The following DLC1 variants were observed in gnomAD, a reference collection of about 807,000 sequenced individuals.
The protein encoded by DLC1 is DLC1 Rho GTPase activating protein.
A neutral mutation model predicts 140.3 loss-of-function variants in DLC1; 54 were observed. The observed-to-expected ratio is 0.38, with a 90% CI of 0.31 to 0.48. The LOEUF (loss-of-function observed/expected upper bound fraction) is 0.48. Among genes scored for constraint, DLC1 ranks in the 20% least tolerant of loss-of-function variants. DLC1 has a pLI of 0.96. For missense variants in DLC1, 2,536 were observed against 1,907.0 expected (o/e 1.33, Z -6.14); for synonymous variants, 986 against 728.1 (o/e 1.35, Z -5.70).
At chr8:13,136,451 T>C (rs1292393511) in intron 5 of DLC1, among the ~76,000 whole-genome samples, 3 of 152,216 alleles carry the variant, frequency 2.0e-5, no homozygotes, top group African/African-American at 7.2e-5. Context: ...TTCCGGTTCC[T>C]GTGTTAATAT....
At chr8:13,400,863 C>G (rs994925742) in intron 3 of DLC1, among the ~76,000 whole-genome samples, 1 of 152,028 alleles carries the variant, frequency 6.6e-6, no homozygotes, top group Non-Finnish European at 1.5e-5. Flanking sequence ...TAGAATCTGT[C>G]TTCCAAATTT....
chr8:13,323,063 C>G (rs1833189305), intron 4 of DLC1, among the ~76,000 whole-genome samples: 1 of 152,146 alleles, frequency 6.6e-6, no homozygotes, highest in Non-Finnish European at 1.5e-5. Flanking sequence ...ACAGACACTC[C>G]AGGCCTAGTC....
At chr8:13,420,531 T>C (rs1184932615) in intron 2 of DLC1, among the ~76,000 whole-genome samples, 1 of 152,050 alleles carries the variant, frequency 6.6e-6, no homozygotes, top group African/African-American at 2.4e-5. Context: ...ATGCATTAGG[T>C]ATTTGTCCTA....
At chr8:13,345,333 C>T (rs73203949) in intron 4 of DLC1, among the ~76,000 whole-genome samples, 8,202 of 150,902 alleles carry the variant, frequency 0.054, 284 homozygotes, top group South Asian at 0.14. Context: ...CGATTCAATT[C>T]CCCTATAGTG....
At chr8:13,343,378 T>C (rs1834165586) in intron 4 of DLC1, among the ~76,000 whole-genome samples, 2 of 152,190 alleles carry the variant, frequency 1.3e-5, no homozygotes, top group South Asian at 4.1e-4. Flanking sequence ...TTGTGCAGTG[T>C]GGTGTCCTCA....
intron 5 of DLC1, among the ~76,000 whole-genome samples, chr8:13,234,696 A>G (rs1829203127): frequency 6.6e-6 from 1 of 151,928 alleles, no homozygotes; most frequent in African/African-American, 2.4e-5. Context: ...GTGCATATAA[A>G]TTACATTTGT....
At chr8:13,447,052 G>C (rs936840860) in intron 2 of DLC1, among the ~76,000 whole-genome samples, 1 of 152,124 alleles carries the variant, frequency 6.6e-6, no homozygotes, top group African/African-American at 2.4e-5. Context: ...TATGTTTCTT[G>C]TGATTTTTAA....
intron 5 of DLC1, among the ~76,000 whole-genome samples, chr8:13,157,163 A>C (rs772049463): frequency 1.3e-5 from 2 of 152,184 alleles, no homozygotes; most frequent in Non-Finnish European, 2.9e-5. Context: ...ATAACTTACA[A>C]ATGAAAACCG....
intron 1 of DLC1, among the ~76,000 whole-genome samples, chr8:13,574,916 T>G (rs904524602): frequency 3.3e-5 from 5 of 152,244 alleles, no homozygotes; most frequent in African/African-American, 1.2e-4. Flanking sequence ...TAGCTCATTC[T>G]GCAGCAGCAT....
At chr8:13,361,704 C>G (rs1835235445) in intron 4 of DLC1, among the ~76,000 whole-genome samples, 1 of 152,100 alleles carries the variant, frequency 6.6e-6, no homozygotes, top group Non-Finnish European at 1.5e-5. Flanking sequence ...TATTTATGAA[C>G]TTTTAGACAA....
At chr8:13,288,238 A>G (rs1182041520) in intron 5 of DLC1, among the ~76,000 whole-genome samples, 2 of 152,240 alleles carry the variant, frequency 1.3e-5, no homozygotes, top group East Asian at 3.8e-4. Context: ...TCATTTAAAA[A>G]TAATTGTTTT....
intron 4 of DLC1, among the ~76,000 whole-genome samples, chr8:13,363,282 T>C (rs1252966812): frequency 6.6e-6 from 1 of 152,102 alleles, no homozygotes; most frequent in Non-Finnish European, 1.5e-5. Flanking sequence ...CATTGCTTTC[T>C]GTCTGTTTCT....
Position 13,499,316 on chromosome 8 carries a change from T to C in DLC1, c.756A>G (p.Val252=). ...GAGTATCCAAGAACTCATTTTGTAC[T>C]ACATTGCAGGTGCTTCTTTCATTTT... The part of the protein sequence containing the change: ...KDENERSTCN[V]VQNEFLDTPC... The change falls in exon 2 of 18, where the codon GTA becomes GTG. Residue 252 remains valine, a synonymous_variant. Transcript: ENST00000276297. 1 of 1,614,088 alleles carries C rather than the reference T, an allele frequency of 6.2e-7. No homozygotes were observed. Among genetic ancestry groups the C allele is most frequent in the Non-Finnish European group, 8.5e-7 (1 of 1,180,006 alleles).
chr8:13,324,009 T>G (rs1671389), intron 4 of DLC1, among the ~76,000 whole-genome samples: 129,801 of 152,166 alleles, frequency 0.85, 55,821 homozygotes, highest in East Asian at 0.95. Context: ...ATTACAGCCT[T>G]CCAGGAGGTG....
chr8:13,583,421 A>G (rs146694075), intron 1 of DLC1, among the ~76,000 whole-genome samples: 2 of 152,170 alleles, frequency 1.3e-5, no homozygotes, highest in East Asian at 1.9e-4. Flanking sequence ...TTTTCTCACA[A>G]GATTGCAGCA....
chr8:13,298,804 C>A (rs113333489), intron 5 of DLC1, among the ~76,000 whole-genome samples: 4 of 152,186 alleles, frequency 2.6e-5, no homozygotes, highest in African/African-American at 7.2e-5. Context: ...GGACCCCAAA[C>A]ATCTGCATCA....
At chr8:13,281,656 A>G (rs73196176) in intron 5 of DLC1, among the ~76,000 whole-genome samples, 2 of 152,340 alleles carry the variant, frequency 1.3e-5, no homozygotes, top group Non-Finnish European at 2.9e-5. Context: ...CTTCTGATAT[A>G]TACCAAAATC....
chr8:13,570,821 A>C (rs1442826513), intron 1 of DLC1, among the ~76,000 whole-genome samples: 2 of 152,102 alleles, frequency 1.3e-5, no homozygotes, highest in Admixed American at 1.3e-4. Context: ...AGTTGAAAGA[A>C]TATTAGAAAG....
At chr8:13,226,670 A>G (rs925047021) in intron 5 of DLC1, among the ~76,000 whole-genome samples, 2 of 152,194 alleles carry the variant, frequency 1.3e-5, no homozygotes, top group Non-Finnish European at 2.9e-5. Flanking sequence ...TATGTATGCA[A>G]TATTCTCTAT....
Sources: gnomAD v4.1 joint callset for allele counts (sites outside exome capture counted in the v4.1 genomes callset) on GRCh38, gnomAD v4.1.1 for gene constraint, MANE v1.5 for transcripts, NCBI Gene and HGNC (gene_info 2026-07-23, HGNC 2026-07-21) for gene names.